ZNF423: variants seen among roughly 807,000 people sequenced by gnomAD.
ZNF423 encodes zinc finger protein 423, also known as Ebf-associated zinc finger protein.
A neutral mutation model predicts 95.8 loss-of-function variants in ZNF423; 12 were observed. That is an observed-to-expected ratio of 0.13 (90% CI 0.08 to 0.20). ZNF423 has a LOEUF of 0.20. Ranked by LOEUF, ZNF423 falls within the 10% of genes least tolerant of loss-of-function variation. ZNF423 has a pLI of 1.00. For missense variants in ZNF423, 1,316 were observed against 1,737.1 expected (o/e 0.76, Z 4.31); for synonymous variants, 749 against 711.9 (o/e 1.05, Z -0.83).
At chr16:49,795,675 AGG>A (rs1027687493) in intron 1 of ZNF423, among the ~76,000 whole-genome samples, 1 of 152,134 alleles carries the variant, frequency 6.6e-6, no homozygotes, top group Non-Finnish European at 1.5e-5. Flanking sequence ...CCGCCCCCAC[AGG>A]GATGGAGGGG....
chr16:49,638,234 G>A lies in ZNF423; in HGVS notation c.942C>T (p.Asp314=), dbSNP rs182494771. The A allele has an allele frequency of 4.2e-5, 67 of 1,610,060 alleles. No homozygotes were observed. Among genetic ancestry groups the A allele is most frequent in the East Asian group, 2.7e-4 (12 of 44,862 alleles). ...GGATATGGGCGAGCAGTGTGTTCTC[G>A]TCGACGAAGACCTCAGGGCAGTGAA... ...QCIHCPEVFV[D]ENTLLAHIHQ... The change falls in exon 4 of 8, where the codon GAC becomes GAT. Residue 314 remains aspartate (D), a synonymous_variant. Coordinates refer to ENST00000563137, the MANE Select transcript of ZNF423 (RefSeq NM_001379286.1). The surrounding 1 kb of genome is among the most constrained non-coding windows in gnomAD (Gnocchi z 5.6).
intron 4 of ZNF423, among the ~76,000 whole-genome samples, chr16:49,628,331 C>G (rs543987431): frequency 6.6e-6 from 1 of 151,802 alleles, no homozygotes; most frequent in East Asian, 1.9e-4. Context: ...TTCCATCTAC[C>G]CACGCATCCA....
chr16:49,767,455 C>A (rs888789990), intron 2 of ZNF423, among the ~76,000 whole-genome samples: 1 of 152,208 alleles, frequency 6.6e-6, no homozygotes, highest in Non-Finnish European at 1.5e-5. Context: ...CACACTGATT[C>A]ATATGAACCA....
chr16:49,598,858 A>G (rs897445588), intron 5 of ZNF423, among the ~76,000 whole-genome samples: 4 of 152,240 alleles, frequency 2.6e-5, no homozygotes, highest in Admixed American at 6.5e-5. Context: ...GGTTGCTTCT[A>G]AAGGGTCTGA....
intron 3 of ZNF423, among the ~76,000 whole-genome samples, chr16:49,662,421 C>A (rs1479645686): frequency 6.6e-6 from 1 of 152,188 alleles, no homozygotes; most frequent in South Asian, 2.1e-4. Flanking sequence ...GAAGGACAAA[C>A]AGCGAGTCAC....
At chr16:49,598,263 C>A (rs1178500929) in intron 5 of ZNF423, among the ~76,000 whole-genome samples, 1 of 152,202 alleles carries the variant, frequency 6.6e-6, no homozygotes, top group Non-Finnish European at 1.5e-5. Flanking sequence ...TGTTACTGAA[C>A]CTCTCCTTGC....
intron 3 of ZNF423, among the ~76,000 whole-genome samples, chr16:49,706,569 G>C (rs2032357942): frequency 6.6e-6 from 1 of 152,270 alleles, no homozygotes; most frequent in African/African-American, 2.4e-5. Context: ...CCAGCCACTG[G>C]TGGGATGGCT....
chr16:49,646,153 C>T (rs914013885), intron 3 of ZNF423, among the ~76,000 whole-genome samples: 24 of 152,166 alleles, frequency 1.6e-4, no homozygotes, highest in South Asian at 2.1e-4. Flanking sequence ...CCCGGACAAC[C>T]GAGGAGAGCC....
rs192862019 is a variant in ZNF423, at chr16:49,622,478, C to A, written c.3601+3692G>T. 1.3e-4 allele frequency among the ~76,000 whole-genome samples: 20 copies of A among 152,264 alleles called. No individual in the cohort carries two copies. The East Asian group carries it at 3.9e-3, about 30-fold the overall frequency. ...GTGGCTCATCACCCTCGCAGCCTGG[C>A]AGAAACCCATTGTTCCAGAGCCTCC... On this transcript the variant is annotated intron_variant, in intron 5 of 7. Transcript: ENST00000563137.
intron 3 of ZNF423, among the ~76,000 whole-genome samples, chr16:49,696,900 C>A (rs1002723304): frequency 6.6e-6 from 1 of 152,214 alleles, no homozygotes; most frequent in Non-Finnish European, 1.5e-5. Context: ...CTGCAGAGCG[C>A]TTTCAGGAGG....
In ZNF423 at chr16:49,751,005, G is replaced by C. The variant is rs143209996; in HGVS notation, c.101-20034C>G. Among the ~76,000 whole-genome samples, 4 of 152,252 alleles carry C rather than the reference G, an allele frequency of 2.6e-5. No homozygotes were observed. In the South Asian group the frequency reaches 8.3e-4, roughly 32 times the overall value. Reference sequence around the variant, plus strand: ...TGAGAGACAGAGGCCCGACGGCGACGAAAGGCCCGAGGAAGGCCCAGGACA... The same window carrying C: ...TGAGAGACAGAGGCCCGACGGCGACCAAAGGCCCGAGGAAGGCCCAGGACA... On this transcript the variant is annotated intron_variant, in intron 2 of 7. Coordinates refer to ENST00000563137, the MANE Select transcript of ZNF423 (RefSeq NM_001379286.1).
At chr16:49,548,470 C>T (rs917199729) in intron 5 of ZNF423, among the ~76,000 whole-genome samples, 4 of 152,030 alleles carry the variant, frequency 2.6e-5, no homozygotes, top group African/African-American at 9.7e-5. Context: ...TTAGAACATG[C>T]CAGCTCTGAC....
chr16:49,776,940 C>T lies in ZNF423; in HGVS notation c.100+12547G>A, dbSNP rs892238347. The stretch of plus-strand genomic sequence containing the variant: ...GAAACAGGCTTTTTCTGCTCATTTG[C>T]ATGCCTGGGTGTGGATGAGTGAATG... On this transcript the variant is annotated intron_variant, in intron 2 of 7. Coordinates refer to ENST00000563137, the MANE Select transcript of ZNF423 (RefSeq NM_001379286.1). 7.3e-4 allele frequency among the ~76,000 whole-genome samples: 111 copies of T among 152,220 alleles called. 6 individuals are homozygous for T. The highest frequency in any genetic ancestry group is 6.5e-5 in the Admixed American group (1 of 15,288).
At chr16:49,679,721 GCTC>G (rs2151936001) in intron 3 of ZNF423, among the ~76,000 whole-genome samples, 1 of 152,360 alleles carries the variant, frequency 6.6e-6, no homozygotes, top group East Asian at 1.9e-4. Flanking sequence ...AAGCAGACAG[GCTC>G]CTGAGCAGAA....
chr16:49,759,634 A>C (rs1310425129), intron 2 of ZNF423, among the ~76,000 whole-genome samples: 1 of 152,212 alleles, frequency 6.6e-6, no homozygotes, highest in Non-Finnish European at 1.5e-5. Context: ...AAAAGCATGG[A>C]GTTGCACTTC....
At chr16:49,589,003 T>C (rs1970926125) in intron 5 of ZNF423, among the ~76,000 whole-genome samples, 1 of 152,224 alleles carries the variant, frequency 6.6e-6, no homozygotes, top group Admixed American at 6.5e-5. Context: ...ACAGCAGCAA[T>C]GTGCTTGGAT....
At chr16:49,647,947 G>A (rs1184843236) in intron 3 of ZNF423, among the ~76,000 whole-genome samples, 1 of 152,118 alleles carries the variant, frequency 6.6e-6, no homozygotes, top group Non-Finnish European at 1.5e-5. Flanking sequence ...GCGATCAGAG[G>A]GTAGAAGAAT....
At chr16:49,509,184 T>C (rs1194240725) in intron 7 of ZNF423, among the ~76,000 whole-genome samples, 1 of 152,198 alleles carries the variant, frequency 6.6e-6, no homozygotes, top group Non-Finnish European at 1.5e-5. Context: ...ACATAGATTT[T>C]AGCCCAAATG....
At chr16:49,621,710 G>C (rs1972089973) in intron 5 of ZNF423, among the ~76,000 whole-genome samples, 1 of 152,172 alleles carries the variant, frequency 6.6e-6, no homozygotes, top group Non-Finnish European at 1.5e-5. Flanking sequence ...CATTTAGCAG[G>C]AGAAGCCATC....
Sources: gnomAD v4.1 joint callset for allele counts (sites outside exome capture counted in the v4.1 genomes callset) on GRCh38, gnomAD v4.1.1 for gene constraint, Gnocchi (gnomAD v3.1) non-coding constraint, MANE v1.5 for transcripts, NCBI Gene and HGNC (gene_info 2026-07-23, HGNC 2026-07-21) for gene names.